Variants in SLC5A10 observed in about 807,000 individuals in gnomAD.
The protein encoded by SLC5A10 is solute carrier family 5 member 10.
Under a neutral mutation model 68.9 loss-of-function variants are expected in SLC5A10, and 55 were observed. The ratio of observed to expected loss-of-function variants is 0.80; its 90% confidence interval spans 0.64 to 1.00. SLC5A10 has a LOEUF of 1.00. SLC5A10 is among the 50% of genes least tolerant of loss of function. The pLI is 0.00. For missense variants in SLC5A10, 732 were observed against 819.3 expected (o/e 0.89, Z 1.30); for synonymous variants, 344 against 344.8 (o/e 1.00, Z 0.02).
intron 5 of SLC5A10, among the ~76,000 whole-genome samples, chr17:18,965,503 C>A (rs915143896): frequency 7.2e-5 from 11 of 152,222 alleles, no homozygotes; most frequent in Non-Finnish European, 2.9e-5. Context: ...AGCCAGAGTA[C>A]CAGGGCCGGT....
rs1461189585 is a variant in SLC5A10, at chr17:19,003,790, C to G, written c.983-9620C>G. The G allele has an allele frequency of 6.2e-7, 1 of 1,612,074 alleles. No homozygotes were observed. The highest frequency in any genetic ancestry group is 2.2e-5 in the East Asian group (1 of 44,808). The stretch of plus-strand genomic sequence containing the variant: ...TGTCCTCGGGCCCCTGAGAGGGGCC[C>G]GTGCCCCGAGGGTCCTCAGAGCCCG... On this transcript the variant is annotated intron_variant, in intron 9 of 14. Coordinates refer to ENST00000395645, the MANE Select transcript of SLC5A10 (RefSeq NM_001042450.4). The surrounding 1 kb of genome is among the most constrained non-coding windows in gnomAD (Gnocchi z 4.5).
At chr17:18,973,975 C>T (rs2042919291) in intron 8 of SLC5A10, among the ~76,000 whole-genome samples, 1 of 151,224 alleles carries the variant, frequency 6.6e-6, no homozygotes, top group Non-Finnish European at 1.5e-5. Flanking sequence ...TCACTGCAAC[C>T]TCCGCCTCCT....
rs761521036 is a variant in SLC5A10, at chr17:19,004,024, C to T, written c.983-9386C>T. The T allele has an allele frequency of 2.0e-5, 32 of 1,600,446 alleles. No individual in the cohort carries two copies. Among genetic ancestry groups the T allele is most frequent in the Non-Finnish European group, 2.6e-5 (31 of 1,172,024 alleles). On this transcript the variant is annotated intron_variant, in intron 9 of 14. Coordinates refer to ENST00000395645, the MANE Select transcript of SLC5A10 (RefSeq NM_001042450.4). This position sits in a 1 kb window ranked among gnomAD's most constrained non-coding sequence, Gnocchi z 5.4. ...TCACATGGTTGTCGTCCAGACACTG[C>T]ACCTGAGAGAAGGCCATGGCGCCGC...
intron 9 of SLC5A10, among the ~76,000 whole-genome samples, chr17:18,993,937 C>T (rs183426670): frequency 1.8e-4 from 27 of 152,324 alleles, no homozygotes; most frequent in Admixed American, 1.3e-3. Flanking sequence ...GATCCACAAA[C>T]GGCAGCTGCA....
Position 19,015,152 on chromosome 17 carries a change from G to A in SLC5A10, c.1194G>A (p.Arg398=). 2 of 1,612,366 alleles carry A rather than the reference G, an allele frequency of 1.2e-6. No homozygotes were observed. The highest frequency in any genetic ancestry group is 1.7e-6 in the Non-Finnish European group (2 of 1,179,036). The part of the protein sequence containing the change: ...SSTLFTMDIW[R]RLRPRSGERE... Reference sequence around the variant, plus strand: ...CCCTCTTCACTATGGACATCTGGAGGCGGCTGCGTCCCCGCTCCGGCGAGC... The same window carrying A: ...CCCTCTTCACTATGGACATCTGGAGACGGCTGCGTCCCCGCTCCGGCGAGC... The change falls in exon 11 of 15, where the codon AGG becomes AGA. Residue 398 remains arginine (R), a synonymous_variant. Transcript: ENST00000395645.
upstream of SLC5A10, chr17:18,951,762 A>C (rs899045394): frequency 6.1e-6 from 1 of 163,100 alleles, no homozygotes; most frequent in African/African-American, 2.4e-5. Flanking sequence ...AAGGGAGGAC[A>C]TGGCTGCCCG....
rs2044280094 is a variant in SLC5A10, at chr17:19,022,500, G to A, written c.*2069G>A. The A allele has an allele frequency of 4.2e-6, 1 of 235,734 alleles. No individual in the cohort carries two copies. Among genetic ancestry groups the A allele is most frequent in the Non-Finnish European group, 8.2e-6 (1 of 122,654 alleles). 14.6% of individuals were successfully genotyped at this position (235,734 alleles called of 1,614,324 possible). A position where few individuals can be genotyped will look rare whatever the true frequency, so the allele number is the denominator to read the frequency against. On this transcript the variant is annotated 3_prime_UTR_variant, in exon 15 of 15. Transcript: ENST00000395645. ...ATTTACCCGACTCTGCAGCAGCCAT[G>A]GTAGCTTTTGACTCCAGGCCACAAA...
At chr17:19,009,295 A>G (rs2043965225) in intron 9 of SLC5A10, among the ~76,000 whole-genome samples, 1 of 151,970 alleles carries the variant, frequency 6.6e-6, no homozygotes, top group Non-Finnish European at 1.5e-5. Flanking sequence ...ATACTCAAAC[A>G]ATCCTCCCAC....
intron 5 of SLC5A10, among the ~76,000 whole-genome samples, chr17:18,965,473 G>A (rs138751650): frequency 1.3e-5 from 2 of 152,362 alleles, no homozygotes; most frequent in African/African-American, 4.8e-5. Flanking sequence ...GAGCGGGCAG[G>A]GCAAGGGCCC....
At chr17:19,010,193 G>C (rs919844954) in intron 9 of SLC5A10, among the ~76,000 whole-genome samples, 3 of 152,104 alleles carry the variant, frequency 2.0e-5, no homozygotes, top group African/African-American at 7.2e-5. Flanking sequence ...TTGCTTGCAG[G>C]GGGAGTGGAT....
At position 19,019,603 on chromosome 17, in the gene SLC5A10, C is replaced by T. The variant is rs115210901; in HGVS notation, c.1410+12C>T. ...GTGCCAACGAGCAGGTGGGCGTCGG[C>T]GGTCTGCTCTCCCTGGGGACGTGCC... On this transcript the variant is annotated intron_variant, in intron 12 of 14. Transcript: ENST00000395645. The T allele has an allele frequency of 6.9e-4, 1,116 of 1,609,818 alleles. 5 individuals are homozygous for T. In the African/African-American group the frequency reaches 0.012, roughly 18 times the overall value.
chr17:19,004,045 G>C lies in SLC5A10; in HGVS notation c.983-9365G>C, dbSNP rs2043809902. 6.3e-7 allele frequency: 1 copy of C among 1,578,382 alleles called. No homozygotes were observed. Among genetic ancestry groups the C allele is most frequent in the Non-Finnish European group, 8.6e-7 (1 of 1,160,018 alleles). ...ACTGCACCTGAGAGAAGGCCATGGC[G>C]CCGCCTGCCCGGGCACTGCTGCCGG... On this transcript the variant is annotated intron_variant, in intron 9 of 14. Transcript: ENST00000395645. This position sits in a 1 kb window ranked among gnomAD's most constrained non-coding sequence, Gnocchi z 5.4.
intron 1 of SLC5A10, among the ~76,000 whole-genome samples, chr17:18,957,295 C>T (rs1394621936): frequency 1.3e-5 from 2 of 152,132 alleles, no homozygotes; most frequent in Non-Finnish European, 2.9e-5. Flanking sequence ...TCAGACGTTC[C>T]GACTCCAGAA....
chr17:18,952,112 A>C, upstream of SLC5A10: 1 of 1,506,540 alleles, frequency 6.6e-7, no homozygotes, highest in Non-Finnish European at 8.9e-7. Context: ...CGCTTGGTTT[A>C]ATGATCAATG....
chr17:19,020,660 A>G lies in SLC5A10; in HGVS notation c.*229A>G, dbSNP rs2044249613. ...ACAGCACCAAAGCAGTCAGCATTGG[A>G]AGGAAAATTAGATTTCTGACGGACA... On this transcript the variant is annotated 3_prime_UTR_variant, in exon 15 of 15. Coordinates refer to ENST00000395645, the MANE Select transcript of SLC5A10 (RefSeq NM_001042450.4). 1.8e-6 allele frequency: 1 copy of G among 567,814 alleles called. No individual in the cohort carries two copies. The highest frequency in any genetic ancestry group is 3.2e-6 in the Non-Finnish European group (1 of 317,188). 35.2% of individuals were successfully genotyped at this position (567,814 alleles called of 1,614,324 possible).
Position 18,969,430 on chromosome 17 carries a change from CAG to C in SLC5A10, c.640+11_640+12del, listed in dbSNP as rs758800741. The C allele has an allele frequency of 1.1e-4, 179 of 1,612,786 alleles. No individual in the cohort carries two copies. Among genetic ancestry groups the C allele is most frequent in the Non-Finnish European group, 1.4e-4 (167 of 1,179,326 alleles). On this transcript the variant is annotated intron_variant, in intron 7 of 14. Coordinates refer to ENST00000395645, the MANE Select transcript of SLC5A10 (RefSeq NM_001042450.4). ...TCATCCTGACAATCAAAGGTGAGGA[CAG>C]AGTCTGTGGCCATGGCGGGGCTGTC... is the stretch of plus-strand genomic sequence containing the variant.
At chr17:18,980,899 A>G (rs2043114210) in intron 9 of SLC5A10, among the ~76,000 whole-genome samples, 1 of 152,082 alleles carries the variant, frequency 6.6e-6, no homozygotes. Context: ...GTCTGCCTGC[A>G]TGCCTCCTGT....
At chr17:18,979,478 G>A (rs2043074311) in intron 9 of SLC5A10, 1 of 1,575,422 alleles carries the variant, frequency 6.3e-7, no homozygotes, top group South Asian at 1.2e-5. Context: ...CCAGGGTTAG[G>A]ATTAAGGGCA....
chr17:18,990,412 T>C (rs1368940174), intron 9 of SLC5A10, among the ~76,000 whole-genome samples: 1 of 152,068 alleles, frequency 6.6e-6, no homozygotes, highest in African/African-American at 2.4e-5. Flanking sequence ...AGAATCTCCT[T>C]AGTTAAGCCA....
Sources: allele counts gnomAD v4.1 joint callset (sites outside exome capture counted in the v4.1 genomes callset), GRCh38; gene constraint gnomAD v4.1.1; non-coding constraint Gnocchi (gnomAD v3.1); transcripts MANE v1.5; gene names NCBI Gene and HGNC (gene_info 2026-07-23, HGNC 2026-07-21).